The following DNAH6 variants were observed in gnomAD, a reference collection of about 807,000 sequenced individuals.
The protein encoded by DNAH6 is dynein axonemal heavy chain 6, also known as axonemal beta dynein heavy chain 6.
DNAH6 carries 340 observed loss-of-function variants against 491.4 expected under a neutral mutation model. The observed-to-expected ratio is 0.69, with a 90% CI of 0.63 to 0.76. The LOEUF (loss-of-function observed/expected upper bound fraction) is 0.76, where lower values mean the gene tolerates loss of function less well. Among genes scored for constraint, DNAH6 ranks in the 30% least tolerant of loss-of-function variants. The pLI is 0.00. For synonymous variants in DNAH6, 1,603 were observed against 1,686.1 expected, an observed-to-expected ratio of 0.95 and a Z score of 1.21; for missense variants, 4,443 against 4,972.2, an observed-to-expected ratio of 0.89 and a Z score of 3.20.
intron 26 of DNAH6, among the ~76,000 whole-genome samples, chr2:84,623,625 A>ATT (rs1687597939): frequency 6.6e-6 from 1 of 152,180 alleles, no homozygotes; most frequent in South Asian, 2.1e-4. Context: ...GACTCCCTAA[A>ATT]AAAAGTTCCT....
intron 40 of DNAH6, 81 bp downstream of exon 40, chr2:84,672,565 T>C: frequency 7.7e-7 from 1 of 1,302,134 alleles, no homozygotes; most frequent in Non-Finnish European, 1.1e-6. Context: ...GAGACTACCA[T>C]AACAAAGTAC....
intron 29 of DNAH6, among the ~76,000 whole-genome samples, chr2:84,625,359 G>A (rs753521480): frequency 1.3e-5 from 2 of 152,158 alleles, no homozygotes; most frequent in African/African-American, 2.4e-5. Context: ...AGATAGAATA[G>A]CAGGGAAACC....
intron 45 of DNAH6, among the ~76,000 whole-genome samples, chr2:84,692,478 T>C (rs980847650): frequency 2.1e-5 from 3 of 140,250 alleles, no homozygotes; most frequent in Admixed American, 7.1e-5. Flanking sequence ...GATAGATAGA[T>C]AGATAAATTT....
chr2:84,761,789 T>TACACACACACACACAC (rs35707461), intron 63 of DNAH6, among the ~76,000 whole-genome samples: 16 of 141,840 alleles, frequency 1.1e-4, no homozygotes, highest in Non-Finnish European at 1.7e-4. Flanking sequence ...CACACACACA[T>TACACACACACACACAC]ACACACACAC....
intron 3 of DNAH6, among the ~76,000 whole-genome samples, chr2:84,528,093 G>C (rs987023460): frequency 6.6e-6 from 1 of 152,098 alleles, no homozygotes. Flanking sequence ...GTTTTTTGGG[G>C]GGTGTGAGTG....
At chr2:84,570,282 T>C (rs1378687109) in intron 11 of DNAH6, among the ~76,000 whole-genome samples, 1 of 152,202 alleles carries the variant, frequency 6.6e-6, no homozygotes, top group Non-Finnish European at 1.5e-5. Context: ...GAGTGGGGAC[T>C]TGGGGAACTT....
chr2:84,567,824 G>A (rs949682691), intron 11 of DNAH6, among the ~76,000 whole-genome samples: 18 of 152,072 alleles, frequency 1.2e-4, no homozygotes, highest in African/African-American at 2.7e-4. Flanking sequence ...AAGAGCTTCT[G>A]CACAACAAAA....
At position 84,602,482 on chromosome 2, in the gene DNAH6, CTTTTTTTTTT is replaced by C. The variant is rs3029846; in HGVS notation, c.2869-1840_2869-1831del. On this transcript the variant is annotated intron_variant, in intron 18 of 76. Transcript: ENST00000389394. ...TCATTGTTCTATAGATGTTGTGTCC[CTTTTTTTTTT>C]TTTTTTTTTTTTTTTTGGTCTGGCT... Among the ~76,000 whole-genome samples, 276 of 32,040 alleles carry C rather than the reference CTTTTTTTTTT, an allele frequency of 8.6e-3. 2 individuals carry two copies. Among genetic ancestry groups the C allele is most frequent in the Non-Finnish European group, 9.1e-3 (174 of 19,088 alleles). The allele number at this position is 32,040 out of a possible 152,430, so 21.0% of individuals were successfully genotyped here.
At chr2:84,736,376 T>C (rs1200826860) in intron 62 of DNAH6, among the ~76,000 whole-genome samples, 1 of 152,200 alleles carries the variant, frequency 6.6e-6, no homozygotes, top group East Asian at 1.9e-4. Flanking sequence ...TCTAATTCTA[T>C]GGAAAATGAC....
At chr2:84,543,175 A>G (rs1678437297) in intron 4 of DNAH6, among the ~76,000 whole-genome samples, 1 of 152,118 alleles carries the variant, frequency 6.6e-6, no homozygotes, top group South Asian at 2.1e-4. Flanking sequence ...AATCATAATA[A>G]TAGTAGTAAT....
intron 4 of DNAH6, among the ~76,000 whole-genome samples, chr2:84,538,958 G>C (rs1396825096): frequency 6.6e-6 from 1 of 151,988 alleles, no homozygotes; most frequent in Non-Finnish European, 1.5e-5. Context: ...GTTTATGTGT[G>C]AAGTTATAAT....
intron 32 of DNAH6, among the ~76,000 whole-genome samples, 184 bp from the exon 33 acceptor site, chr2:84,641,763 A>G (rs1205443450): frequency 2.0e-5 from 3 of 152,222 alleles, no homozygotes; most frequent in Non-Finnish European, 2.9e-5. Context: ...CCAAGGCTGC[A>G]TAGCCATTGC....
intron 11 of DNAH6, among the ~76,000 whole-genome samples, chr2:84,567,442 G>A (rs1223585003): frequency 6.6e-6 from 1 of 152,086 alleles, no homozygotes; most frequent in East Asian, 1.9e-4. Context: ...CATGGTGCTG[G>A]TACAAAAACA....
chr2:84,746,853 A>G (rs902620651), intron 63 of DNAH6, among the ~76,000 whole-genome samples: 1 of 152,158 alleles, frequency 6.6e-6, no homozygotes, highest in Admixed American at 6.5e-5. Context: ...ACATATGGTG[A>G]AAGGCAAAGG....
chr2:84,607,210 T>C, intron 21 of DNAH6, 115 bp downstream of exon 21: 1 of 1,047,672 alleles, frequency 9.5e-7, no homozygotes, highest in South Asian at 1.7e-5. Context: ...TAAGTTTTAA[T>C]TGTGGACATG....
intron 11 of DNAH6, among the ~76,000 whole-genome samples, chr2:84,563,468 A>G (rs1435722700): frequency 9.9e-5 from 15 of 151,984 alleles, no homozygotes; most frequent in Admixed American, 9.2e-4. Context: ...CGTGGTTTTG[A>G]TTTGCATTTC....
chr2:84,706,594 G>T (rs999126194), intron 52 of DNAH6, among the ~76,000 whole-genome samples: 9 of 152,088 alleles, frequency 5.9e-5, no homozygotes, highest in Non-Finnish European at 1.3e-4. Flanking sequence ...TATTTAATTT[G>T]TTGCATCATT....
At chr2:84,785,201 A>G (rs1677063242) in intron 66 of DNAH6, among the ~76,000 whole-genome samples, 1 of 152,220 alleles carries the variant, frequency 6.6e-6, no homozygotes, top group African/African-American at 2.4e-5. Flanking sequence ...GCCTCTGCAT[A>G]TGAGGAACAA....
intron 68 of DNAH6, 46 bp downstream of exon 68, chr2:84,787,348 G>T (rs1677302528): frequency 1.3e-6 from 2 of 1,513,562 alleles, no homozygotes; most frequent in East Asian, 2.5e-5. Flanking sequence ...GTACCACAAA[G>T]TTGTTGGTTT....
Sources: gnomAD v4.1 joint callset for allele counts (sites outside exome capture counted in the v4.1 genomes callset) on GRCh38, gnomAD v4.1.1 for gene constraint, MANE v1.5 for transcripts, NCBI Gene and HGNC (gene_info 2026-07-23, HGNC 2026-07-21) for gene names.